The following USH2A variants were observed in gnomAD, a reference collection of about 807,000 sequenced individuals.
USH2A encodes Usher syndrome 2A (autosomal recessive, mild).
Under a neutral mutation model 538.9 loss-of-function variants are expected in USH2A, and 443 were observed. The ratio of observed to expected loss-of-function variants is 0.82; its 90% CI spans 0.76 to 0.89. The LOEUF (loss-of-function observed/expected upper bound fraction) is 0.89. Among genes scored for constraint, USH2A ranks in the 40% least tolerant of loss-of-function variants. The pLI, the probability that USH2A is intolerant of heterozygous loss-of-function variation, is 0.00. For synonymous variants in USH2A, 2,413 were observed against 2,273.5 expected, an observed-to-expected ratio of 1.06 and a Z score of -1.75; for missense variants, 6,633 against 6,324.8, an observed-to-expected ratio of 1.05 and a Z score of -1.65.
chr1:215,833,574 T>C (rs1321305312), intron 47 of USH2A, among the ~76,000 whole-genome samples: 3 of 151,970 alleles, frequency 2.0e-5, no homozygotes, highest in African/African-American at 4.8e-5. Context: ...AAATTCAACA[T>C]GTAAACATAC....
At position 216,367,444 on chromosome 1, in the gene USH2A, A is replaced by C. The variant is rs1190478172; in HGVS notation, c.652-2359T>G. 2.6e-5 allele frequency among the ~76,000 whole-genome samples: 4 copies of C among 152,138 alleles called. No individual in the cohort carries two copies. The East Asian group carries it at 7.7e-4, about 29-fold the overall frequency. On this transcript the variant is annotated intron_variant, in intron 3 of 71. Coordinates refer to ENST00000307340, the MANE Select transcript of USH2A (RefSeq NM_206933.4). ...AAAAATGTTGTCTTTTACAAGTTTA[A>C]GTGCACCTTTATTTTGAGTCAGATA...
At chr1:216,174,036 T>A (rs1360958252) in intron 21 of USH2A, 1 of 985,234 alleles carries the variant, frequency 1.0e-6, no homozygotes, top group Middle Eastern at 5.2e-4. Flanking sequence ...TTTGATGTAC[T>A]GAGAGAGTAG....
At chr1:216,157,346 A>G (rs2033968374) in intron 21 of USH2A, among the ~76,000 whole-genome samples, 1 of 152,230 alleles carries the variant, frequency 6.6e-6, no homozygotes, top group South Asian at 2.1e-4. Flanking sequence ...AAGGCTGTGG[A>G]AAAGAGAGAA....
At chr1:215,911,811 T>A (rs1295920337) in intron 38 of USH2A, among the ~76,000 whole-genome samples, 2 of 152,124 alleles carry the variant, frequency 1.3e-5, no homozygotes, top group African/African-American at 2.4e-5. Flanking sequence ...GTTGTACTAA[T>A]TTACATTCCT....
chr1:215,866,869 C>T, intron 44 of USH2A, 138 bp downstream of exon 44: 1 of 1,199,958 alleles, frequency 8.3e-7, no homozygotes, highest in South Asian at 1.4e-5. Flanking sequence ...ACAGCCCTGT[C>T]AATCTGCAAT....
At chr1:216,357,482 C>T (rs528074725) in intron 4 of USH2A, among the ~76,000 whole-genome samples, 64 of 152,142 alleles carry the variant, frequency 4.2e-4, no homozygotes, top group African/African-American at 1.4e-3. Context: ...AGTAGCATTC[C>T]AACTTTAGAA....
chr1:216,357,204 A>G (rs1367330582), intron 4 of USH2A, among the ~76,000 whole-genome samples: 1 of 152,086 alleles, frequency 6.6e-6, no homozygotes, highest in Non-Finnish European at 1.5e-5. Flanking sequence ...TAAATATACA[A>G]CATAACTTGT....
chr1:215,920,503 T>C (rs184926732), intron 38 of USH2A, among the ~76,000 whole-genome samples: 17 of 152,182 alleles, frequency 1.1e-4, no homozygotes, highest in Non-Finnish European at 1.9e-4. Context: ...AAACAAAGAA[T>C]TGAGCAGCTA....
chr1:215,975,125 C>T (rs901625637), intron 35 of USH2A, among the ~76,000 whole-genome samples: 2 of 152,004 alleles, frequency 1.3e-5, no homozygotes, highest in African/African-American at 4.8e-5. Flanking sequence ...GTTTGTCTGC[C>T]TTCTTTTGAG....
chr1:216,120,235 A>C (rs1181374801), intron 21 of USH2A, among the ~76,000 whole-genome samples: 2 of 41,880 alleles, frequency 4.8e-5, no homozygotes, highest in African/African-American at 2.0e-4. Flanking sequence ...AAAAAAAAAA[A>C]AAAAAAAAAA....
At chr1:215,939,119 G>T (rs1340385060) in intron 37 of USH2A, among the ~76,000 whole-genome samples, 1 of 152,108 alleles carries the variant, frequency 6.6e-6, no homozygotes, top group East Asian at 1.9e-4. Flanking sequence ...AGTAATTATT[G>T]CACACTTAAG....
intron 11 of USH2A, among the ~76,000 whole-genome samples, chr1:216,287,556 AATT>A (rs1307356630): frequency 1.3e-5 from 2 of 151,956 alleles, no homozygotes; most frequent in African/African-American, 4.8e-5. Flanking sequence ...GTCAGTTGTT[AATT>A]ATTTACAAGC....
At chr1:216,059,938 C>G (rs2031116638) in intron 30 of USH2A, among the ~76,000 whole-genome samples, 1 of 152,170 alleles carries the variant, frequency 6.6e-6, no homozygotes, top group South Asian at 2.1e-4. Flanking sequence ...ATCCCCAATT[C>G]TTACTTTCTT....
At chr1:215,953,834 C>T (rs941196910) in intron 37 of USH2A, among the ~76,000 whole-genome samples, 7 of 151,758 alleles carry the variant, frequency 4.6e-5, no homozygotes, top group Admixed American at 1.3e-4. Context: ...GGCTAATATC[C>T]AGAATCTACA....
intron 58 of USH2A, among the ~76,000 whole-genome samples, chr1:215,743,621 G>T (rs1660379539): frequency 6.6e-6 from 1 of 151,314 alleles, no homozygotes; most frequent in African/African-American, 2.4e-5. Flanking sequence ...AAGGTCAGGA[G>T]ATGGAGACCA....
chr1:216,103,207 A>G (rs930002007), intron 21 of USH2A, among the ~76,000 whole-genome samples: 1 of 152,262 alleles, frequency 6.6e-6, no homozygotes, highest in African/African-American at 2.4e-5. Context: ...CTGGGGGCCC[A>G]GTAGTGTTCT....
intron 58 of USH2A, among the ~76,000 whole-genome samples, chr1:215,747,215 T>C (rs1406431567): frequency 6.6e-6 from 1 of 152,166 alleles, no homozygotes; most frequent in Non-Finnish European, 1.5e-5. Flanking sequence ...ACCCTAGACA[T>C]GGGATGAAAA....
chr1:215,970,936 T>C (rs1014683301), intron 35 of USH2A, among the ~76,000 whole-genome samples, 160 bp from the exon 36 acceptor site: 1 of 152,166 alleles, frequency 6.6e-6, no homozygotes, highest in East Asian at 1.9e-4. Context: ...TACCAAAGGA[T>C]AAAATAGATG....
At chr1:215,796,167 T>C (rs1250076250) in intron 50 of USH2A, among the ~76,000 whole-genome samples, 1 of 152,108 alleles carries the variant, frequency 6.6e-6, no homozygotes, top group Admixed American at 6.6e-5. Flanking sequence ...GCTGTACACA[T>C]AGGAGAGAAT....
Sources: gnomAD v4.1 joint callset for allele counts (sites outside exome capture counted in the v4.1 genomes callset) on GRCh38, gnomAD v4.1.1 for gene constraint, MANE v1.5 for transcripts, NCBI Gene and HGNC (gene_info 2026-07-23, HGNC 2026-07-21) for gene names.